Variants in ABCC4 observed in about 807,000 individuals in gnomAD.
The protein encoded by ABCC4 is ATP-binding cassette sub-family C member 4.
In ABCC4, 102 loss-of-function variants were observed where a neutral mutation model predicts 168.5. That is an observed-to-expected ratio of 0.61 (90% CI 0.52 to 0.71). The LOEUF is 0.71. ABCC4 is among the 30% of genes least tolerant of loss of function. The probability of loss-of-function intolerance (pLI) is 0.00; values close to 1 mark genes in which losing one functional copy is unlikely to be tolerated. For synonymous variants in ABCC4, 617 were observed against 590.7 expected, an observed-to-expected ratio of 1.04 and a Z score of -0.65; for missense variants, 1,402 against 1,605.8, an observed-to-expected ratio of 0.87 and a Z score of 2.17.
In ABCC4 at chr13:95,301,450, G is replaced by A; in HGVS notation, c.-136C>T. On this transcript the variant is annotated 5_prime_UTR_variant, in exon 1 of 31. Transcript: ENST00000645237. ...TGTCCGCTCGGCTGGAGCCTGTGAA[G>A]CAGCCGCTTCCGGGAGCCGGGCGCC... is the stretch of plus-strand genomic sequence containing the variant. 1 of 651,770 alleles carries A rather than the reference G, an allele frequency of 1.5e-6. No individual in the cohort carries two copies. The highest frequency in any genetic ancestry group is 2.2e-6 in the Non-Finnish European group (1 of 451,628). 40.4% of individuals were successfully genotyped at this position (651,770 alleles called of 1,614,324 possible).
intron 1 of ABCC4, among the ~76,000 whole-genome samples, chr13:95,266,471 C>T (rs2040677615): frequency 6.6e-6 from 1 of 152,176 alleles, no homozygotes; most frequent in South Asian, 2.1e-4. Context: ...TGTCTATTGT[C>T]TTAAACCACC....
chr13:95,075,380 A>G, intron 22 of ABCC4, 52 bp downstream of exon 22: 1 of 1,611,218 alleles, frequency 6.2e-7, no homozygotes, highest in Non-Finnish European at 8.5e-7. Flanking sequence ...AGGTTAAGCC[A>G]GAAAAAGCAG....
chr13:95,052,922 TTCA>T (rs2032899713), intron 27 of ABCC4, among the ~76,000 whole-genome samples, 170 bp downstream of exon 27: 1 of 152,230 alleles, frequency 6.6e-6, no homozygotes, highest in Non-Finnish European at 1.5e-5. Flanking sequence ...ATTTTTGGTT[TTCA>T]TCATCATCAG....
chr13:95,241,180 T>C (rs766832227), intron 3 of ABCC4, among the ~76,000 whole-genome samples: 6 of 151,874 alleles, frequency 4.0e-5, no homozygotes, highest in Non-Finnish European at 7.4e-5. Flanking sequence ...CTGGCCAACA[T>C]GGTGAAACCC....
intron 1 of ABCC4, among the ~76,000 whole-genome samples, chr13:95,299,267 C>CA (rs59178850): frequency 0.89 from 115,462 of 129,862 alleles, 51,756 homozygotes; most frequent in Non-Finnish European, 0.96. Context: ...GATCCTGTCT[C>CA]AAAAAAAAAA....
intron 8 of ABCC4, among the ~76,000 whole-genome samples, chr13:95,196,697 GAA>G (rs2038459376): frequency 1.2e-5 from 1 of 85,706 alleles, no homozygotes; most frequent in East Asian, 2.7e-4. Flanking sequence ...AGGAAGGAAG[GAA>G]GGAAGGAAGG....
rs771562574 is a variant in ABCC4, at chr13:95,073,198, T to C, written c.3018+6A>G. The C allele has an allele frequency of 7.4e-5, 119 of 1,609,240 alleles. No individual in the cohort carries two copies. The highest frequency in any genetic ancestry group is 9.9e-5 in the Non-Finnish European group (117 of 1,176,110). ...AAAAGGCAAAGAACGTGAAGGTAAA[T>C]ATTACCATATTCTCAACTTCAGCAC... On this transcript the variant is annotated splice_donor_region_variant and intron_variant, in intron 24 of 30. Transcript: ENST00000645237.
chr13:95,108,628 T>C (rs1304383594), intron 20 of ABCC4, among the ~76,000 whole-genome samples: 1 of 149,810 alleles, frequency 6.7e-6, no homozygotes, highest in Non-Finnish European at 1.5e-5. Context: ...TGTGAGTCCG[T>C]TAAATCTATT....
chr13:95,070,520 T>C (rs1297958518), intron 25 of ABCC4, among the ~76,000 whole-genome samples: 1 of 152,150 alleles, frequency 6.6e-6, no homozygotes, highest in Non-Finnish European at 1.5e-5. Context: ...GAAAGGGACA[T>C]TGCTGGCAGA....
intron 11 of ABCC4, among the ~76,000 whole-genome samples, chr13:95,186,271 G>A (rs1401688297): frequency 6.6e-6 from 1 of 151,876 alleles, no homozygotes. Context: ...TTGAGGCCAA[G>A]GGTATGCATC....
At chr13:95,132,952 G>C (rs1278933267) in intron 19 of ABCC4, among the ~76,000 whole-genome samples, 3 of 152,084 alleles carry the variant, frequency 2.0e-5, no homozygotes, top group African/African-American at 7.2e-5. Context: ...TGGGTCCTGG[G>C]TTTCAGTTTG....
intron 4 of ABCC4, among the ~76,000 whole-genome samples, chr13:95,223,489 G>C (rs529430376): frequency 1.3e-5 from 2 of 152,058 alleles, no homozygotes; most frequent in Admixed American, 1.3e-4. Flanking sequence ...CAGCAAAAAA[G>C]TGTAAAGTTT....
chr13:95,273,849 G>A (rs35449243), intron 1 of ABCC4, among the ~76,000 whole-genome samples: 12,913 of 133,198 alleles, frequency 0.097, 741 homozygotes, highest in Middle Eastern at 0.18. Flanking sequence ...ACGGAGTCTT[G>A]CTGTTGCCCA....
chr13:95,080,763 G>A (rs2034068107), intron 21 of ABCC4, among the ~76,000 whole-genome samples: 1 of 152,188 alleles, frequency 6.6e-6, no homozygotes, highest in African/African-American at 2.4e-5. Context: ...GTGAGCCAAT[G>A]CGCCCGGCCC....
intron 8 of ABCC4, among the ~76,000 whole-genome samples, chr13:95,196,474 T>C (rs2038418202): frequency 6.6e-6 from 1 of 151,808 alleles, no homozygotes; most frequent in South Asian, 2.1e-4. Flanking sequence ...TGTGATGGTA[T>C]TGAGAGGTAT....
chr13:95,140,338 A>T (rs2036279563), intron 19 of ABCC4, among the ~76,000 whole-genome samples: 1 of 152,266 alleles, frequency 6.6e-6, no homozygotes, highest in South Asian at 2.1e-4. Context: ...AGATTGCCCA[A>T]GGAATTTGCA....
At chr13:95,075,301 G>A (rs554416908) in intron 22 of ABCC4, 131 bp downstream of exon 22, 17 of 1,207,846 alleles carry the variant, frequency 1.4e-5, no homozygotes, top group Non-Finnish European at 2.0e-5. Context: ...AGGAGACGAA[G>A]ATGCGCAAAA....
intron 30 of ABCC4, among the ~76,000 whole-genome samples, chr13:95,029,242 AGAGAGAGAGAGAAAGAGAG>A (rs2031744774): frequency 1.9e-4 from 1 of 5,188 alleles, no homozygotes; most frequent in African/African-American, 3.4e-4. Flanking sequence ...AGAGAGAGAG[AGAGAGAGAGAGAAAGAGAG>A]AGAGAGAGAG....
chr13:95,280,867 G>T (rs1427008592), intron 1 of ABCC4, among the ~76,000 whole-genome samples: 3 of 152,014 alleles, frequency 2.0e-5, no homozygotes, highest in Non-Finnish European at 1.5e-5. Flanking sequence ...ACAAGGAGAG[G>T]GGAAGAGATC....
Sources: gnomAD v4.1 joint callset for allele counts (sites outside exome capture counted in the v4.1 genomes callset) on GRCh38, gnomAD v4.1.1 for gene constraint, MANE v1.5 for transcripts, NCBI Gene and HGNC (gene_info 2026-07-23, HGNC 2026-07-21) for gene names.